Variants in SF3B1 observed in about 807,000 individuals in gnomAD.
SF3B1 encodes the protein pre-mRNA processing 10.
In SF3B1, 12 loss-of-function variants were observed where a neutral mutation model predicts 153.8. The observed-to-expected ratio is 0.08, with a 90% CI of 0.05 to 0.13. SF3B1 has a LOEUF of 0.13. Ranked by LOEUF, SF3B1 falls within the 10% of genes least tolerant of loss-of-function variation. The probability of loss-of-function intolerance (pLI) is 1.00; values close to 1 mark genes in which losing one functional copy is unlikely to be tolerated. For missense variants in SF3B1, 513 were observed against 1,606.1 expected (o/e 0.32, Z 11.63); for synonymous variants, 498 against 525.2 (o/e 0.95, Z 0.71).
chr2:197,418,264 A>AAAAAAAAAT (rs2085186178), intron 5 of SF3B1, among the ~76,000 whole-genome samples: 1 of 144,120 alleles, frequency 6.9e-6, no homozygotes, highest in African/African-American at 2.6e-5. Flanking sequence ...AAAAAAAAAA[A>AAAAAAAAAT]TCCCTTGTGA....
chr2:197,396,359 T>C, intron 22 of SF3B1, 31 bp from the exon 23 acceptor site: 1 of 1,572,460 alleles, frequency 6.4e-7, no homozygotes, highest in East Asian at 2.3e-5. Context: ...AACAAGCTGT[T>C]ACATTATAAG....
chr2:197,405,725 A>C (rs1465767575), intron 9 of SF3B1, among the ~76,000 whole-genome samples: 1 of 152,214 alleles, frequency 6.6e-6, no homozygotes, highest in Non-Finnish European at 1.5e-5. Context: ...AATCACATTC[A>C]AACATGTTGT....
At chr2:197,409,388 A>G (rs567737691) in intron 7 of SF3B1, among the ~76,000 whole-genome samples, 13 of 152,064 alleles carry the variant, frequency 8.5e-5, no homozygotes, top group African/African-American at 3.1e-4. Context: ...CAACAAGAGC[A>G]AAACTCCATC....
chr2:197,414,201 T>C (rs1232338727), intron 6 of SF3B1, among the ~76,000 whole-genome samples: 1 of 152,208 alleles, frequency 6.6e-6, no homozygotes, highest in South Asian at 2.1e-4. Context: ...AATTTTCTTT[T>C]AGAAATACTG....
At chr2:197,411,893 T>TC (rs1192970710) in intron 6 of SF3B1, among the ~76,000 whole-genome samples, 2 of 151,808 alleles carry the variant, frequency 1.3e-5, no homozygotes, top group African/African-American at 2.4e-5. Context: ...GGCCAGGAGT[T>TC]GAGACCAGCC....
At chr2:197,427,071 T>C (rs952700516) in intron 1 of SF3B1, among the ~76,000 whole-genome samples, 3 of 152,230 alleles carry the variant, frequency 2.0e-5, no homozygotes, top group Non-Finnish European at 4.4e-5. Context: ...TGATTTTATG[T>C]ACCTGCTGAT....
chr2:197,418,817 C>A, intron 4 of SF3B1: 1 of 1,501,590 alleles, frequency 6.7e-7, no homozygotes, highest in South Asian at 1.3e-5. Flanking sequence ...TATTTTAATG[C>A]ATATAAAAAC....
At chr2:197,431,109 T>C (rs1429761093) in intron 1 of SF3B1, among the ~76,000 whole-genome samples, 8 of 133,212 alleles carry the variant, frequency 6.0e-5, no homozygotes, top group Non-Finnish European at 9.6e-5. Context: ...TTCTTCTTTT[T>C]TTTTTTTTTT....
chr2:197,408,100 A>G lies in SF3B1; in HGVS notation c.1137T>C (p.Thr379=), dbSNP rs1220073132. 1 of 1,613,310 alleles carries G rather than the reference A, an allele frequency of 6.2e-7. No individual in the cohort carries two copies. Among genetic ancestry groups the G allele is most frequent in the East Asian group, 2.2e-5 (1 of 44,860 alleles). ...TPTPGHIMSM[T]PEQLQAWRWE... Reference sequence around the variant, plus strand: ...ACCGCCAAGCCTGAAGCTGTTCAGGAGTCATACTCATTATGTGACCTACCA... The same window carrying G: ...ACCGCCAAGCCTGAAGCTGTTCAGGGGTCATACTCATTATGTGACCTACCA... Residue 379 remains threonine, a synonymous_variant, in exon 9 of 25, where the codon ACT becomes ACC. Coordinates refer to ENST00000335508, the MANE Select transcript of SF3B1 (RefSeq NM_012433.4).
intron 6 of SF3B1, among the ~76,000 whole-genome samples, chr2:197,410,392 C>A (rs1191864712): frequency 6.6e-6 from 1 of 151,750 alleles, no homozygotes; most frequent in Non-Finnish European, 1.5e-5. Flanking sequence ...CTTAGAGACA[C>A]ATATTTAGGG....
chr2:197,416,656 T>C (rs1433716835), intron 6 of SF3B1, 85 bp downstream of exon 6: 1 of 1,213,300 alleles, frequency 8.2e-7, no homozygotes, highest in East Asian at 2.4e-5. Flanking sequence ...TGTGGTATCT[T>C]GCTATGGCAA....
At position 197,400,490 on chromosome 2, in the gene SF3B1, G is replaced by C; in HGVS notation, c.2719-56C>G. 1 of 1,422,360 alleles carries C rather than the reference G, an allele frequency of 7.0e-7. No individual in the cohort carries two copies. Among genetic ancestry groups the C allele is most frequent in the Non-Finnish European group, 9.6e-7 (1 of 1,041,960 alleles). The allele number at this position is 1,422,360 out of a possible 1,614,324, so 88.1% of individuals were successfully genotyped here. On this transcript the variant is annotated intron_variant, in intron 18 of 24. Coordinates refer to ENST00000335508, the MANE Select transcript of SF3B1 (RefSeq NM_012433.4). The surrounding 1 kb of genome is among the most constrained non-coding windows in gnomAD (Gnocchi z 5.0). Reference sequence around the variant, plus strand: ...TCATTTGGTTTATGACTGCACAGTTGAAATACACTAAGAGTCAACCTTTTC... The same window carrying C: ...TCATTTGGTTTATGACTGCACAGTTCAAATACACTAAGAGTCAACCTTTTC...
At chr2:197,403,822 A>G in intron 11 of SF3B1, 58 bp from the exon 12 acceptor site, 2 of 1,263,632 alleles carry the variant, frequency 1.6e-6, no homozygotes, top group Non-Finnish European at 2.2e-6. Context: ...ATTTTGAATG[A>G]GCAAATTACT....
In SF3B1 at chr2:197,401,265, C is replaced by T. The variant is rs1053636280; in HGVS notation, c.2496+135G>A. 7 of 814,552 alleles carry T rather than the reference C, an allele frequency of 8.6e-6. No homozygotes were observed. The highest frequency in any genetic ancestry group is 1.4e-5 in the Non-Finnish European group (7 of 511,086). The allele number at this position is 814,552 out of a possible 1,614,324, so 50.5% of individuals were successfully genotyped here. The stretch of plus-strand genomic sequence containing the variant: ...GGAAGTTAACTGGCTGACTAAAATC[C>T]ATCTCCTTTCATAATCAAGCACATA... On this transcript the variant is annotated intron_variant, in intron 17 of 24. Coordinates refer to ENST00000335508, the MANE Select transcript of SF3B1 (RefSeq NM_012433.4). This position sits in a 1 kb window ranked among gnomAD's most constrained non-coding sequence, Gnocchi z 4.2.
chr2:197,401,080 TGAAGA>T lies in SF3B1; in HGVS notation c.2497-149_2497-145del, dbSNP rs2084933015. ...ATGATTCATTGCTACTTATTAAAGT[TGAAGA>T]GAAAAGTGACCAAACATCGAAAAAT... On this transcript the variant is annotated intron_variant, in intron 17 of 24. Coordinates refer to ENST00000335508, the MANE Select transcript of SF3B1 (RefSeq NM_012433.4). This position sits in a 1 kb window ranked among gnomAD's most constrained non-coding sequence, Gnocchi z 4.2. 13 of 636,760 alleles carry T rather than the reference TGAAGA, an allele frequency of 2.0e-5. 1 individual carries two copies. Among genetic ancestry groups the T allele is most frequent in the African/African-American group, 1.1e-4 (6 of 54,520 alleles). 39.4% of individuals were successfully genotyped at this position (636,760 alleles called of 1,614,324 possible).
At position 197,401,567 on chromosome 2, in the gene SF3B1, A is replaced by C; in HGVS notation, c.2371-42T>G. On this transcript the variant is annotated intron_variant, in intron 16 of 24. Coordinates refer to ENST00000335508, the MANE Select transcript of SF3B1 (RefSeq NM_012433.4). This position sits in a 1 kb window ranked among gnomAD's most constrained non-coding sequence, Gnocchi z 4.2. ...TAGTAATAATAAATCAACTGACCTG[A>C]AATGAAGAGAATACTCATTGCTGAT... 6.3e-7 allele frequency: 1 copy of C among 1,575,412 alleles called. No homozygotes were observed. The highest frequency in any genetic ancestry group is 8.7e-7 in the Non-Finnish European group (1 of 1,152,458).
chr2:197,421,567 T>G (rs1459609476), intron 2 of SF3B1, among the ~76,000 whole-genome samples: 1 of 152,224 alleles, frequency 6.6e-6, no homozygotes, highest in Non-Finnish European at 1.5e-5. Flanking sequence ...TTGCCCCTAG[T>G]AGTATGTTTA....
intron 2 of SF3B1, among the ~76,000 whole-genome samples, chr2:197,423,537 G>A (rs2085282387): frequency 6.6e-6 from 1 of 152,088 alleles, no homozygotes; most frequent in Non-Finnish European, 1.5e-5. Context: ...GATAAGTAAT[G>A]GTAGGGATTT....
At chr2:197,431,010 A>T (rs1023655221) in intron 1 of SF3B1, among the ~76,000 whole-genome samples, 1 of 151,884 alleles carries the variant, frequency 6.6e-6, no homozygotes, top group African/African-American at 2.4e-5. Flanking sequence ...AAAACAATTC[A>T]TATCACTGAT....
Sources: gnomAD v4.1 joint callset for allele counts (sites outside exome capture counted in the v4.1 genomes callset) on GRCh38, gnomAD v4.1.1 for gene constraint, Gnocchi (gnomAD v3.1) non-coding constraint, MANE v1.5 for transcripts, NCBI Gene and HGNC (gene_info 2026-07-23, HGNC 2026-07-21) for gene names.